IL16: variants seen among roughly 807,000 people sequenced by gnomAD.
IL16 encodes the protein interleukin 16.
A neutral mutation model predicts 110.1 loss-of-function variants in IL16; 67 were observed. The observed-to-expected ratio is 0.61, with a 90% CI of 0.50 to 0.75. IL16 has a LOEUF of 0.75. IL16 is among the 30% of genes least tolerant of loss of function. The probability of loss-of-function intolerance (pLI) is 0.00; values close to 1 mark genes in which losing one functional copy is unlikely to be tolerated. For missense variants in IL16, 1,545 were observed against 1,655.0 expected, an observed-to-expected ratio of 0.93 and a Z score of 1.15; for synonymous variants, 689 against 662.9, an observed-to-expected ratio of 1.04 and a Z score of -0.61.
chr15:81,278,985 AACCCTTCACATGAGGC>A, intron 7 of IL16, 95 bp downstream of exon 7: 1 of 843,474 alleles, frequency 1.2e-6, no homozygotes, highest in South Asian at 1.4e-5. Context: ...CAAACTGTGG[AACCCTTCACATGAGGC>A]ACCTCACTGA....
At chr15:81,223,634 A>C (rs1479414617) in intron 1 of IL16, among the ~76,000 whole-genome samples, 2 of 152,240 alleles carry the variant, frequency 1.3e-5, no homozygotes, top group Non-Finnish European at 2.9e-5. Context: ...CACAGAGTTT[A>C]TGAGAACTAA....
At chr15:81,286,295 G>A (rs1370554098) in intron 10 of IL16, among the ~76,000 whole-genome samples, 1 of 152,196 alleles carries the variant, frequency 6.6e-6, no homozygotes, top group African/African-American at 2.4e-5. Context: ...GAGAATACAG[G>A]AATATAGCAG....
Position 81,204,733 on chromosome 15 carries a change from A to G in IL16, c.-102+7581A>G, listed in dbSNP as rs190025431. ...GCACATGTACCCTAAAACTTAAAGT[A>G]TAATAATAACAAAATTAAAAAAAAA... is the stretch of plus-strand genomic sequence containing the variant. On this transcript the variant is annotated intron_variant, in intron 1 of 18. Coordinates refer to ENST00000683961, the MANE Select transcript of IL16 (RefSeq NM_172217.5). Among the ~76,000 whole-genome samples the G allele has an allele frequency of 2.0e-5, 3 of 149,556 alleles. No homozygotes were observed. In the Admixed American group the frequency reaches 2.0e-4, roughly 10 times the overall value.
upstream of IL16, among the ~76,000 whole-genome samples, chr15:81,192,084 C>T (rs1017156055): frequency 6.6e-6 from 1 of 152,116 alleles, no homozygotes; most frequent in Non-Finnish European, 1.5e-5. Flanking sequence ...CATAGAACTG[C>T]ACAACACAAT....
At chr15:81,197,250 C>T in intron 1 of IL16, 98 bp downstream of exon 1, 1 of 762,678 alleles carries the variant, frequency 1.3e-6, no homozygotes, top group South Asian at 1.7e-5. Flanking sequence ...GTCTTGGTTG[C>T]TAGGACGTAA....
intron 2 of IL16, among the ~76,000 whole-genome samples, chr15:81,229,541 T>C (rs1395859682): frequency 2.6e-5 from 4 of 152,148 alleles, no homozygotes; most frequent in African/African-American, 9.7e-5. Flanking sequence ...CTTGTTCTTT[T>C]TTTTAAGGAG....
chr15:81,261,573 C>T (rs1176259257), intron 3 of IL16, among the ~76,000 whole-genome samples: 2 of 152,166 alleles, frequency 1.3e-5, no homozygotes, highest in Non-Finnish European at 2.9e-5. Flanking sequence ...CCACTGGGCT[C>T]TGGTAACACC....
intron 1 of IL16, among the ~76,000 whole-genome samples, chr15:81,217,454 T>A (rs1280798309): frequency 6.6e-6 from 1 of 152,164 alleles, no homozygotes; most frequent in Non-Finnish European, 1.5e-5. Context: ...GACCAAAAAA[T>A]TTTATGGAAA....
intron 4 of IL16, among the ~76,000 whole-genome samples, chr15:81,267,779 G>A (rs1167893574): frequency 2.0e-5 from 3 of 152,228 alleles, no homozygotes; most frequent in Non-Finnish European, 4.4e-5. Context: ...AGGCAGTCAC[G>A]CACGAAGGAT....
At chr15:81,288,122 G>A (rs1899533069) in intron 10 of IL16, among the ~76,000 whole-genome samples, 1 of 152,236 alleles carries the variant, frequency 6.6e-6, no homozygotes, top group Non-Finnish European at 1.5e-5. Flanking sequence ...AAGGGAGCCA[G>A]GCCAGAAAGG....
chr15:81,195,150 G>C (rs1443728082), upstream of IL16, among the ~76,000 whole-genome samples: 4 of 152,212 alleles, frequency 2.6e-5, no homozygotes, highest in Non-Finnish European at 5.9e-5. Flanking sequence ...CCTTCTGAGA[G>C]TGAGAAAGAA....
rs747103573 is a variant in IL16 at position 81,285,789 on chromosome 15, G to A, written c.1291G>A (p.Gly431Ser). The A allele has an allele frequency of 1.7e-5, 27 of 1,613,978 alleles. No homozygotes were observed. The highest frequency in any genetic ancestry group is 8.3e-5 in the Admixed American group (5 of 59,990). ...VYTILSHCDP[G>S]PVPIIVSRHP... ...CACGATCCTGAGTCACTGTGATCCC[G>A]GTCCAGTCCCCATCATTGTTAGCCG... Residue 431 changes from glycine to serine, a missense_variant, in exon 10 of 19, where the codon GGT becomes AGT. Gly to Ser is a moderately conservative substitution (Grantham distance 56). Transcript: ENST00000683961.
At chr15:81,295,670 G>A (rs1271939908) in intron 12 of IL16, 3 of 395,356 alleles carry the variant, frequency 7.6e-6, no homozygotes, top group Non-Finnish European at 1.4e-5. Flanking sequence ...TTTGAAATTG[G>A]TTGATCTCTC....
Position 81,299,811 on chromosome 15 carries a change from C to T in IL16, c.2485C>T (p.His829Tyr), listed in dbSNP as rs1233288998. The T allele has an allele frequency of 2.5e-6, 4 of 1,613,970 alleles. No individual in the cohort carries two copies. The highest frequency in any genetic ancestry group is 3.4e-6 in the Non-Finnish European group (4 of 1,180,006). Residue 829 changes from histidine to tyrosine, a missense_variant, in exon 14 of 19, where the codon CAC (histidine) becomes TAC (tyrosine). Transcript: ENST00000683961. ...APASREHLGSHIRASSSSSSI... is the reference protein window; with the variant it reads ...APASREHLGSYIRASSSSSSI... ...TGCTTCCAGGGAGCACCTAGGATCA[C>T]ACATCCGGGCCTCCTCCTCCTCCTC...
intron 1 of IL16, among the ~76,000 whole-genome samples, chr15:81,210,051 A>G (rs940015869): frequency 1.3e-5 from 2 of 152,288 alleles, no homozygotes; most frequent in African/African-American, 2.4e-5. Context: ...TATATGGTGA[A>G]AGGTAAGGTT....
At chr15:81,263,356 G>T (rs5006179) in intron 3 of IL16, among the ~76,000 whole-genome samples, 34,654 of 126,346 alleles carry the variant, frequency 0.27, 4,625 homozygotes, top group African/African-American at 0.38. Context: ...ATTTTTTTTT[G>T]TTTTTTTTTT....
At chr15:81,257,981 A>G (rs1037680939) in intron 2 of IL16, among the ~76,000 whole-genome samples, 6 of 152,190 alleles carry the variant, frequency 3.9e-5, no homozygotes, top group Admixed American at 6.5e-5. Flanking sequence ...CTTTCCTGAA[A>G]GAAAACACAC....
At chr15:81,265,448 C>A (rs141357802) in intron 3 of IL16, among the ~76,000 whole-genome samples, 13 of 152,226 alleles carry the variant, frequency 8.5e-5, no homozygotes, top group African/African-American at 3.1e-4. Context: ...CCCATCTGCA[C>A]CCTGCAGTAC....
chr15:81,231,320 GTCTGTCTCTCTCTCTCTCTCTCTCTCTC>G (rs2038178097), intron 2 of IL16, among the ~76,000 whole-genome samples: 1 of 50,926 alleles, frequency 2.0e-5, no homozygotes, highest in Non-Finnish European at 4.8e-5. Context: ...CCCAAGGTCG[GTCTGTCTCTCTCTCTCTCTCTCTCTCTC>G]TCTCTCTCTC....
Sources: gnomAD v4.1 joint callset for allele counts (sites outside exome capture counted in the v4.1 genomes callset) on GRCh38, gnomAD v4.1.1 for gene constraint, MANE v1.5 for transcripts, NCBI Gene and HGNC (gene_info 2026-07-23, HGNC 2026-07-21) for gene names.